The following ZNF469 variants were observed in gnomAD, a reference collection of about 807,000 sequenced individuals.
ZNF469 encodes the protein zinc finger protein 469.
Under a neutral mutation model 1.0 loss-of-function variants are expected in ZNF469, and 1 was observed. That is an observed-to-expected ratio of 1.00 (90% CI 0.35 to 4.73). ZNF469 has a LOEUF of 4.73. Among genes scored for constraint, ZNF469 ranks in the 30% most tolerant of loss-of-function variants. The pLI is 0.16. For missense variants in ZNF469, 6,100 were observed against 5,356.3 expected, an observed-to-expected ratio of 1.14 and a Z score of -4.33; for synonymous variants, 2,703 against 2,363.4, an observed-to-expected ratio of 1.14 and a Z score of -4.17.
the ZNF469 span, among the ~76,000 whole-genome samples, chr16:88,324,033 C>T: frequency 1.3e-5 from 2 of 152,232 alleles, no homozygotes; most frequent in African/African-American, 4.8e-5. Flanking sequence ...GGCAGCAGCT[C>T]ACCTCAGTGA....
At chr16:88,118,492 C>A in the ZNF469 span, among the ~76,000 whole-genome samples, 1,584 of 152,230 alleles carry the variant, frequency 0.01, 27 homozygotes, top group African/African-American at 0.035. Context: ...CAATGTCTAC[C>A]ATTTGGGCTG....
At chr16:88,108,174 T>C in the ZNF469 span, among the ~76,000 whole-genome samples, 13 of 119,740 alleles carry the variant, frequency 1.1e-4, no homozygotes, top group Admixed American at 1.8e-4. Context: ...TGTGGGGATG[T>C]GGGGATGGAG....
At position 88,434,267 on chromosome 16, in the gene ZNF469, G is replaced by A. The variant is rs868566943; in HGVS notation, c.6797G>A (p.Gly2266Asp). Residue 2266 changes from glycine (G) to aspartate (D), a missense_variant, in exon 3 of 3, where the codon GGC becomes GAC. By Grantham distance (94) the Gly-to-Asp change is moderately conservative. Coordinates refer to ENST00000565624, the MANE Select transcript of ZNF469 (RefSeq NM_001367624.2). Reference sequence around the variant, plus strand: ...AAAGAGAAGCTGTGGGAGTCTCCTGGCCGAGCCACCTCTCCTCCTCTGGCA... The same window carrying A: ...AAAGAGAAGCTGTGGGAGTCTCCTGACCGAGCCACCTCTCCTCCTCTGGCA... ...SRKEKLWESPGRATSPPLAGA... is the reference protein window; with the variant it reads ...SRKEKLWESPDRATSPPLAGA... 3 of 1,550,208 alleles carry A rather than the reference G, an allele frequency of 1.9e-6. No homozygotes were observed. The highest frequency in any genetic ancestry group is 1.4e-5 in the African/African-American group (1 of 73,052).
At chr16:88,425,683 T>TA (rs1202636448) in intron 2 of ZNF469, among the ~76,000 whole-genome samples, 2 of 152,150 alleles carry the variant, frequency 1.3e-5, no homozygotes, top group Non-Finnish European at 2.9e-5. Context: ...CAGCATCATT[T>TA]ATTCACTCAA....
the ZNF469 span, among the ~76,000 whole-genome samples, chr16:88,252,622 T>A: frequency 6.6e-6 from 1 of 152,228 alleles, no homozygotes; most frequent in Non-Finnish European, 1.5e-5. Context: ...TCCCAGAAGT[T>A]CTTCGCTAAA....
chr16:88,185,084 C>G, the ZNF469 span, among the ~76,000 whole-genome samples: 1 of 109,218 alleles, frequency 9.2e-6, no homozygotes, highest in Non-Finnish European at 2.3e-5. Context: ...CACGGGCACA[C>G]CTAGACATGG....
chr16:88,273,212 A>G, the ZNF469 span, among the ~76,000 whole-genome samples: 2 of 150,854 alleles, frequency 1.3e-5, no homozygotes, highest in Non-Finnish European at 2.9e-5. Context: ...TGAAGTTGCC[A>G]GTTGAAACCA....
Position 88,438,531 on chromosome 16 carries a change from C to G in ZNF469, c.11061C>G (p.Ser3687=). ...QSSSKDRSAA[S]TPSKALKFPV... is the part of the protein sequence containing the mutation. ...CATCAAAGGACAGGTCGGCAGCATC[C>G]ACCCCCAGCAAAGCACTCAAGTTCC... The change falls in exon 3 of 3, where the codon TCC becomes TCG. Residue 3687 remains serine (S), a synonymous_variant. Transcript: ENST00000565624. 2 of 1,550,122 alleles carry G rather than the reference C, an allele frequency of 1.3e-6. No individual in the cohort carries two copies. Among genetic ancestry groups the G allele is most frequent in the Non-Finnish European group, 1.7e-6 (2 of 1,146,958 alleles).
the ZNF469 span, among the ~76,000 whole-genome samples, chr16:88,136,051 G>C: frequency 1.1e-4 from 17 of 152,060 alleles, no homozygotes; most frequent in African/African-American, 4.1e-4. Flanking sequence ...GAGCCACCGC[G>C]CCCGGCCAGC....
rs553831899 is a variant in ZNF469 at position 88,431,135 on chromosome 16, C to A, written c.3665C>A (p.Pro1222His). 6.5e-7 allele frequency: 1 copy of A among 1,550,274 alleles called. No homozygotes were observed. The highest frequency in any genetic ancestry group is 1.2e-5 in the South Asian group (1 of 84,056). ...SEETRPSLDF[P>H]QEAKEPETAE... ...GAAACCCGCCCGTCGCTGGACTTTC[C>A]CCAGGAGGCCAAGGAGCCTGAAACT... Residue 1222 changes from proline (P) to histidine (H), a missense_variant, in exon 3 of 3, where the codon CCC (proline) becomes CAC (histidine). Transcript: ENST00000565624.
rs1876079100 is a variant in ZNF469, at chr16:88,428,241, T to C, written c.771T>C (p.Pro257=). ...NFGVPPAEPE[P]IPKGSRPGGS... is the part of the protein sequence containing the mutation. Reference sequence around the variant, plus strand: ...GGGTTCCCCCCGCCGAGCCGGAACCTATTCCCAAAGGCAGCAGGCCCGGCG... The same window carrying C: ...GGGTTCCCCCCGCCGAGCCGGAACCCATTCCCAAAGGCAGCAGGCCCGGCG... Residue 257 remains proline (P), a synonymous_variant, in exon 3 of 3, where the codon CCT becomes CCC. Transcript: ENST00000565624. 7.1e-6 allele frequency: 11 copies of C among 1,550,346 alleles called. No homozygotes were observed. The highest frequency in any genetic ancestry group is 1.7e-4 in the Middle Eastern group (1 of 5,988).
At chr16:88,136,053 C>A in the ZNF469 span, among the ~76,000 whole-genome samples, 6 of 152,280 alleles carry the variant, frequency 3.9e-5, no homozygotes, top group African/African-American at 1.4e-4. Context: ...GCCACCGCGC[C>A]CGGCCAGCCA....
upstream of ZNF469, among the ~76,000 whole-genome samples, chr16:88,378,989 G>T (rs1204251633): frequency 6.6e-6 from 1 of 152,206 alleles, no homozygotes; most frequent in Non-Finnish European, 1.5e-5. Flanking sequence ...CAGGATGGAC[G>T]GGTGTCCACA....
At position 88,431,046 on chromosome 16, in the gene ZNF469, T is replaced by C. The variant is rs1474743259; in HGVS notation, c.3576T>C (p.Ala1192=). The C allele has an allele frequency of 1.9e-6, 3 of 1,548,202 alleles. No homozygotes were observed. Among genetic ancestry groups the C allele is most frequent in the Admixed American group, 3.9e-5 (2 of 50,986 alleles). ...AAAREGGPKC[A]DRPSVAPKDP... ...CCAGGGAGGGAGGCCCCAAGTGTGC[T>C]GATCGCCCCTCAGTGGCCCCCAAGG... is the stretch of plus-strand genomic sequence containing the variant. Residue 1192 remains alanine, a synonymous_variant, in exon 3 of 3, where the codon GCT becomes GCC. Coordinates refer to ENST00000565624, the MANE Select transcript of ZNF469 (RefSeq NM_001367624.2).
At chr16:88,407,908 G>C (rs59227263) in intron 1 of ZNF469, among the ~76,000 whole-genome samples, 1,626 of 152,342 alleles carry the variant, frequency 0.011, 36 homozygotes, top group African/African-American at 0.037. Flanking sequence ...GCACACACCC[G>C]GCCATGCCTG....
At position 88,429,821 on chromosome 16, in the gene ZNF469, C is replaced by G; in HGVS notation, c.2351C>G (p.Ala784Gly). 1 of 1,546,636 alleles carries G rather than the reference C, an allele frequency of 6.5e-7. No individual in the cohort carries two copies. The highest frequency in any genetic ancestry group is 8.7e-7 in the Non-Finnish European group (1 of 1,144,624). Residue 784 changes from alanine to glycine, a missense_variant, in exon 3 of 3, where the codon GCC becomes GGC. By Grantham distance (60) the Ala-to-Gly change is moderately conservative. Transcript: ENST00000565624. ...PSPPAAPRVPADAHAGLLSHA... is the reference protein window; with the variant it reads ...PSPPAAPRVPGDAHAGLLSHA... ...CCCCCCGCTGCCCCCAGAGTCCCTGCCGACGCACACGCGGGCTTGCTCAGC... is the reference window on the plus strand; with the variant it reads ...CCCCCCGCTGCCCCCAGAGTCCCTGGCGACGCACACGCGGGCTTGCTCAGC...
the ZNF469 span, among the ~76,000 whole-genome samples, chr16:88,162,907 T>C: frequency 6.6e-6 from 1 of 152,254 alleles, no homozygotes; most frequent in Admixed American, 6.5e-5. Flanking sequence ...AAACTCAGCA[T>C]GTAGCAAGAG....
chr16:88,305,195 G>A, the ZNF469 span, among the ~76,000 whole-genome samples: 7 of 152,286 alleles, frequency 4.6e-5, no homozygotes, highest in Middle Eastern at 3.4e-3. Context: ...GTCTGCATGT[G>A]CAGGAAATGT....
the ZNF469 span, among the ~76,000 whole-genome samples, chr16:88,148,499 A>G: frequency 2.0e-5 from 3 of 152,132 alleles, no homozygotes; most frequent in African/African-American, 2.4e-5. Flanking sequence ...GTGGGGCACA[A>G]CTGGCCAGAG....
Sources: gnomAD v4.1 joint callset for allele counts (sites outside exome capture counted in the v4.1 genomes callset) on GRCh38, gnomAD v4.1.1 for gene constraint, MANE v1.5 for transcripts, NCBI Gene and HGNC (gene_info 2026-07-23, HGNC 2026-07-21) for gene names.